Variants in POLR2D observed in about 807,000 individuals in gnomAD.
POLR2D encodes RNA polymerase II subunit D.
Under a neutral mutation model 17.6 loss-of-function variants are expected in POLR2D, and 10 were observed. The observed-to-expected ratio is 0.57, with a 90% CI of 0.35 to 0.96. The LOEUF (loss-of-function observed/expected upper bound fraction) is 0.96, where lower values mean the gene tolerates loss of function less well. Among genes scored for constraint, POLR2D ranks in the 40% least tolerant of loss-of-function variants. The probability of loss-of-function intolerance (pLI) is 0.02; values close to 1 mark genes in which losing one functional copy is unlikely to be tolerated. For synonymous variants in POLR2D, 52 were observed against 60.2 expected, an observed-to-expected ratio of 0.86 and a Z score of 0.63; for missense variants, 126 against 176.4, an observed-to-expected ratio of 0.71 and a Z score of 1.62.
chr2:127,844,364 C>T lies in POLR2D; in HGVS notation c.*3743G>A, dbSNP rs766647407. 1 of 152,182 alleles carries T rather than the reference C, an allele frequency of 6.6e-6. No individual in the cohort carries two copies. Among genetic ancestry groups the T allele is most frequent in the Non-Finnish European group, 1.5e-5 (1 of 68,032 alleles). The allele number at this position is 152,182 out of a possible 1,614,324, so 9.4% of individuals were successfully genotyped here. The stretch of plus-strand genomic sequence containing the variant: ...GAACAAACTAAGACACTAAAACTTT[C>T]AGAAAGACTTATCTGGTTAATTTAG... On this transcript the variant is annotated 3_prime_UTR_variant, in exon 4 of 4. Coordinates refer to ENST00000272645, the MANE Select transcript of POLR2D (RefSeq NM_004805.4).
intron 1 of POLR2D, chr2:127,857,722 T>C: frequency 1.1e-6 from 1 of 914,974 alleles, no homozygotes; most frequent in Non-Finnish European, 1.4e-6. Context: ...TGGGCTCTTT[T>C]CCCTAGTGCA....
Position 127,858,085 on chromosome 2 carries a change from T to G in POLR2D, c.16A>C (p.Ser6Arg), listed in dbSNP as rs745343435. 26 of 1,524,030 alleles carry G rather than the reference T, an allele frequency of 1.7e-5. No individual in the cohort carries two copies. Among genetic ancestry groups the G allele is most frequent in the African/African-American group, 2.9e-5 (2 of 69,334 alleles). The allele number at this position is 1,524,030 out of a possible 1,614,324, so 94.4% of individuals were successfully genotyped here. Residue 6 changes from serine (S) to arginine (R), a missense_variant, in exon 1 of 4, where the codon AGC becomes CGC. Coordinates refer to ENST00000272645, the MANE Select transcript of POLR2D (RefSeq NM_004805.4). ...TCTACGTCGCCAGCCCGCGGATCGC[T>G]GCCACCCGCCGCCATCGCCGCGCCG... MAAGG[S>R]DPRAGDVEED...
rs1435870206 is a variant in POLR2D at position 127,847,968 on chromosome 2, A to G, written c.*139T>C. Reference sequence around the variant, plus strand: ...TTATTTGAAACAGCAACCTAACCCCACGCCAAGCTGGGCTGTTTTCTCCAA... The same window carrying G: ...TTATTTGAAACAGCAACCTAACCCCGCGCCAAGCTGGGCTGTTTTCTCCAA... On this transcript the variant is annotated 3_prime_UTR_variant, in exon 4 of 4. Coordinates refer to ENST00000272645, the MANE Select transcript of POLR2D (RefSeq NM_004805.4). 8.4e-6 allele frequency: 6 copies of G among 710,766 alleles called. No individual in the cohort carries two copies. The highest frequency in any genetic ancestry group is 1.5e-5 in the Non-Finnish European group (6 of 388,638). 44.0% of individuals were successfully genotyped at this position (710,766 alleles called of 1,614,324 possible).
rs1194442809 is a variant in POLR2D, at chr2:127,847,593, C to T, written c.*514G>A. 1 of 161,268 alleles carries T rather than the reference C, an allele frequency of 6.2e-6. No homozygotes were observed. Among genetic ancestry groups the T allele is most frequent in the Non-Finnish European group, 1.4e-5 (1 of 74,020 alleles). The allele number at this position is 161,268 out of a possible 1,614,324, so 10.0% of individuals were successfully genotyped here. A position where few individuals can be genotyped will look rare whatever the true frequency, so the allele number is the denominator to read the frequency against. On this transcript the variant is annotated 3_prime_UTR_variant, in exon 4 of 4. Coordinates refer to ENST00000272645, the MANE Select transcript of POLR2D (RefSeq NM_004805.4). The stretch of plus-strand genomic sequence containing the variant: ...AGTGAGCCATGACTGTACGACTGCA[C>T]TCCTCCAGCCTGGACAAGAGTTAAG...
At chr2:127,857,147 T>C (rs1346796204) in intron 1 of POLR2D, 1 of 151,970 alleles carries the variant, frequency 6.6e-6, no homozygotes, top group Non-Finnish European at 1.5e-5. Context: ...ACCCTGTCTT[T>C]ACGAAAAAAA....
Position 127,858,030 on chromosome 2 carries a change from T to G in POLR2D, c.71A>C (p.Lys24Thr), listed in dbSNP as rs768484439. The G allele has an allele frequency of 5.1e-6, 8 of 1,578,878 alleles. No homozygotes were observed. The South Asian group carries it at 6.8e-5, about 13-fold the overall frequency. Residue 24 changes from lysine to threonine, a missense_variant and splice_region_variant, in exon 1 of 4, where the codon AAA (lysine) becomes ACA (threonine). Lys to Thr is a moderately conservative substitution (Grantham distance 78). Around this residue, in one of 2 missense-constraint regions of POLR2D, gnomAD observed 85 missense variants for 151.4 expected, o/e 0.56. Coordinates refer to ENST00000272645, the MANE Select transcript of POLR2D (RefSeq NM_004805.4). ...AGTCTGGCAGCCCCGAGCCCAACCT[T>G]TAGGAAAGATGAGCTGTGAGGCGTC... ...EEDASQLIFP[K>T]EFETAETLLN... is the part of the protein sequence containing the mutation.
At chr2:127,849,720 C>T (rs1387580421) in intron 3 of POLR2D, among the ~76,000 whole-genome samples, 1 of 151,886 alleles carries the variant, frequency 6.6e-6, no homozygotes, top group African/African-American at 2.4e-5. Flanking sequence ...TTCTTACTGG[C>T]CAAGAGATTA....
chr2:127,850,217 G>C (rs1469844455), intron 3 of POLR2D, among the ~76,000 whole-genome samples: 1 of 151,944 alleles, frequency 6.6e-6, no homozygotes, highest in Non-Finnish European at 1.5e-5. Flanking sequence ...GAGGCGGGTG[G>C]ATCAACTGAG....
At position 127,844,228 on chromosome 2, in the gene POLR2D, C is replaced by G. The variant is rs533902821; in HGVS notation, c.*3879G>C. The G allele has an allele frequency of 2.3e-3, 355 of 151,940 alleles. 2 individuals are homozygous for G. The highest frequency in any genetic ancestry group is 3.5e-3 in the Non-Finnish European group (237 of 68,020). 9.4% of individuals were successfully genotyped at this position (151,940 alleles called of 1,614,324 possible). On this transcript the variant is annotated 3_prime_UTR_variant, in exon 4 of 4. Coordinates refer to ENST00000272645, the MANE Select transcript of POLR2D (RefSeq NM_004805.4). ...GGACCAGAAAGCCGCCCTTGCCAGA[C>G]ACTGAACGTACCAGCACCTGGATCT...
intron 2 of POLR2D, among the ~76,000 whole-genome samples, chr2:127,850,947 G>C (rs1181161122): frequency 6.6e-6 from 1 of 152,012 alleles, no homozygotes; most frequent in Non-Finnish European, 1.5e-5. Context: ...TTGCCAAGGC[G>C]CAGTGGCTCA....
rs1318037907 is a variant in POLR2D, at chr2:127,852,863, C to A, written c.254+62G>T. On this transcript the variant is annotated intron_variant, in intron 2 of 3. Transcript: ENST00000272645. The surrounding 1 kb of genome is among the most constrained non-coding windows in gnomAD (Gnocchi z 4.0). The stretch of plus-strand genomic sequence containing the variant: ...TGACACCTGGGAAAGGGGGAGGGGA[C>A]AGCATTCTACATGCAGTTGTCCAAT... The A allele has an allele frequency of 3.6e-6, 4 of 1,119,262 alleles. No individual in the cohort carries two copies. In the African/African-American group the frequency reaches 6.2e-5, roughly 17 times the overall value. 69.3% of individuals were successfully genotyped at this position (1,119,262 alleles called of 1,614,324 possible).
rs966394162 is a variant in POLR2D at position 127,852,845 on chromosome 2, T to C, written c.254+80A>G. ...TTTACTTAAATTCACAAGTGACACC[T>C]GGGAAAGGGGGAGGGGACAGCATTC... On this transcript the variant is annotated intron_variant, in intron 2 of 3. Coordinates refer to ENST00000272645, the MANE Select transcript of POLR2D (RefSeq NM_004805.4). This position sits in a 1 kb window ranked among gnomAD's most constrained non-coding sequence, Gnocchi z 4.0. 2.1e-6 allele frequency: 2 copies of C among 964,002 alleles called. No homozygotes were observed. Among genetic ancestry groups the C allele is most frequent in the Admixed American group, 4.3e-5 (2 of 46,040 alleles). 59.7% of individuals were successfully genotyped at this position (964,002 alleles called of 1,614,324 possible). A position where few individuals can be genotyped will look rare whatever the true frequency, so the allele number is the denominator to read the frequency against.
At chr2:127,848,351 A>G (rs183905984) in intron 3 of POLR2D, among the ~76,000 whole-genome samples, 166 bp from the exon 4 acceptor site, 1 of 152,322 alleles carries the variant, frequency 6.6e-6, no homozygotes, top group African/African-American at 2.4e-5. Flanking sequence ...TCAAACATAT[A>G]AAAGATAAAA....
intron 1 of POLR2D, 71 bp downstream of exon 1, chr2:127,857,957 G>A (rs1452028085): frequency 1.9e-6 from 3 of 1,541,128 alleles, no homozygotes; most frequent in East Asian, 2.7e-5. Context: ...CTTGGGCGAA[G>A]CGCGCATAAC....
rs2104721476 is a variant in POLR2D at position 127,848,167 on chromosome 2, T to C, written c.369A>G (p.Glu123=). ...ALIPSLEGRF[E]DEELQQILDD... ...CAAGAATCTGCTGCAGCTCCTCATC[T>C]TCAAACCGTCCCTCCAAGCTACAAG... The change falls in exon 4 of 4, where the codon GAA becomes GAG. Residue 123 remains glutamate, a synonymous_variant. Transcript: ENST00000272645. The C allele has an allele frequency of 6.2e-7, 1 of 1,611,624 alleles. No individual in the cohort carries two copies. Among genetic ancestry groups the C allele is most frequent in the South Asian group, 1.1e-5 (1 of 90,868 alleles).
chr2:127,857,738 A>G (rs907628673), intron 1 of POLR2D: 2 of 1,079,980 alleles, frequency 1.9e-6, no homozygotes, highest in African/African-American at 1.7e-5. Flanking sequence ...GTGCAACAGT[A>G]TATTACTGTT....
chr2:127,858,135 C>G lies in POLR2D; in HGVS notation c.-35G>C, dbSNP rs1042576071. On this transcript the variant is annotated 5_prime_UTR_variant, in exon 1 of 4. Coordinates refer to ENST00000272645, the MANE Select transcript of POLR2D (RefSeq NM_004805.4). The stretch of plus-strand genomic sequence containing the variant: ...GCGCCGCGCGCCACCACCAGCGCCG[C>G]CGGAAGCAGAAGCGCGGAGCAACGG... 5.3e-5 allele frequency: 75 copies of G among 1,419,382 alleles called. No homozygotes were observed. Among genetic ancestry groups the G allele is most frequent in the Non-Finnish European group, 6.6e-5 (72 of 1,083,664 alleles). The allele number at this position is 1,419,382 out of a possible 1,614,324, so 87.9% of individuals were successfully genotyped here. A position where few individuals can be genotyped will look rare whatever the true frequency, so the allele number is the denominator to read the frequency against.
At chr2:127,850,915 G>A (rs534896961) in intron 2 of POLR2D, among the ~76,000 whole-genome samples, 4 of 152,068 alleles carry the variant, frequency 2.6e-5, no homozygotes, top group South Asian at 2.1e-4. Context: ...GCGAAACCCC[G>A]TCTCTACTAA....
intron 3 of POLR2D, among the ~76,000 whole-genome samples, chr2:127,849,566 T>C (rs2104722678): frequency 6.6e-6 from 1 of 152,370 alleles, no homozygotes; most frequent in African/African-American, 2.4e-5. Context: ...AATGGCATCA[T>C]ACTGTATTTA....
Sources: gnomAD v4.1 joint callset for allele counts (sites outside exome capture counted in the v4.1 genomes callset) on GRCh38, gnomAD v4.1.1 for gene constraint, gnomAD v4.1.1 regional missense constraint, Gnocchi (gnomAD v3.1) non-coding constraint, MANE v1.5 for transcripts, NCBI Gene and HGNC (gene_info 2026-07-23, HGNC 2026-07-21) for gene names.